Variants in PDXDC1 observed in about 807,000 individuals in gnomAD.
The protein encoded by PDXDC1 is pyridoxal-dependent decarboxylase domain-containing protein 1.
PDXDC1 carries 42 observed loss-of-function variants against 100.1 expected under a neutral mutation model. That is an observed-to-expected ratio of 0.42 (90% confidence interval 0.33 to 0.54). PDXDC1 has a LOEUF of 0.54. PDXDC1 is among the 20% of genes least tolerant of loss of function. The probability of loss-of-function intolerance (pLI) is 0.10; values close to 1 mark genes in which losing one functional copy is unlikely to be tolerated. For missense variants in PDXDC1, 636 were observed against 979.2 expected (o/e 0.65, Z 4.68); for synonymous variants, 260 against 371.7 (o/e 0.70, Z 3.46).
At chr16:15,129,751 C>A in intron 16 of PDXDC1, 1 of 633,556 alleles carries the variant, frequency 1.6e-6, no homozygotes, top group East Asian at 2.7e-5. Context: ...AGGATGAACA[C>A]ACGAGCCCTT....
chr16:15,140,447 C>CAAA (rs888007915), downstream of PDXDC1, among the ~76,000 whole-genome samples: 9 of 39,030 alleles, frequency 2.3e-4, no homozygotes, highest in East Asian at 1.1e-3. Context: ...AGCTCCATCT[C>CAAA]AAAAAAAAAA....
At chr16:14,983,162 A>T (rs1968390073) in intron 1 of PDXDC1, among the ~76,000 whole-genome samples, 1 of 152,292 alleles carries the variant, frequency 6.6e-6, no homozygotes, top group African/African-American at 2.4e-5. Context: ...TCTCCTGAAA[A>T]AAAAACTTTG....
At chr16:15,135,813 C>G in intron 16 of PDXDC1, 1 of 1,500,288 alleles carries the variant, frequency 6.7e-7, no homozygotes, top group Non-Finnish European at 9.3e-7. Flanking sequence ...TCAGGGGCCA[C>G]CGTCACATTG....
At chr16:15,146,418 T>A in the PDXDC1 span, among the ~76,000 whole-genome samples, 2 of 151,920 alleles carry the variant, frequency 1.3e-5, no homozygotes, top group African/African-American at 4.8e-5. Flanking sequence ...CCAGCTTACG[T>A]CAAAAGAACA....
chr16:15,060,973 G>A (rs991401633), intron 16 of PDXDC1: 1 of 152,218 alleles, frequency 6.6e-6, no homozygotes. Flanking sequence ...ACACAAGCCC[G>A]AACTCACTTT....
chr16:15,129,722 T>C (rs2047948778), intron 16 of PDXDC1, among the ~76,000 whole-genome samples: 1 of 151,988 alleles, frequency 6.6e-6, no homozygotes, highest in Non-Finnish European at 1.5e-5. Flanking sequence ...GGACAGTGAG[T>C]GCTCACGAGG....
chr16:15,044,285 G>A, intron 16 of PDXDC1: 1 of 1,264,792 alleles, frequency 7.9e-7, no homozygotes, highest in Non-Finnish European at 1.2e-6. Context: ...GCAAATATGG[G>A]TACATATTTA....
At chr16:15,051,588 C>G (rs1300968849) in intron 16 of PDXDC1, among the ~76,000 whole-genome samples, 1 of 152,228 alleles carries the variant, frequency 6.6e-6, no homozygotes, top group African/African-American at 2.4e-5. Flanking sequence ...CTCAGGTGAT[C>G]CTCCTGCTTC....
chr16:15,083,350 G>C (rs1423028438), intron 16 of PDXDC1, among the ~76,000 whole-genome samples: 1 of 152,124 alleles, frequency 6.6e-6, no homozygotes, highest in Non-Finnish European at 1.5e-5. Flanking sequence ...AGTGAGCCAA[G>C]ATGACGCCAT....
intron 16 of PDXDC1, chr16:15,070,189 G>A (rs1016301370): frequency 2.5e-6 from 4 of 1,608,952 alleles, no homozygotes; most frequent in Non-Finnish European, 3.4e-6. Context: ...CTTTGTTCCC[G>A]AATCCTGGTT....
At chr16:14,986,799 T>G (rs1229626645) in intron 1 of PDXDC1, among the ~76,000 whole-genome samples, 2 of 152,286 alleles carry the variant, frequency 1.3e-5, no homozygotes, top group African/African-American at 4.8e-5. Context: ...CAGGCTAGAG[T>G]GCAGTGGCGC....
chr16:14,982,924 C>T (rs368148033), intron 1 of PDXDC1, among the ~76,000 whole-genome samples: 85 of 152,358 alleles, frequency 5.6e-4, no homozygotes, highest in African/African-American at 1.9e-3. Context: ...GTTCAGAAAG[C>T]TGTGGGAGGC....
chr16:15,129,088 A>G (rs2047915948), intron 16 of PDXDC1, among the ~76,000 whole-genome samples: 1 of 151,572 alleles, frequency 6.6e-6, no homozygotes, highest in East Asian at 2.0e-4. Context: ...TACAGGTGTG[A>G]GCCACCGCGC....
the PDXDC1 span, among the ~76,000 whole-genome samples, chr16:15,151,918 T>G: frequency 1.1e-4 from 8 of 73,154 alleles, no homozygotes; most frequent in East Asian, 3.2e-4. Flanking sequence ...GCAACAAGAG[T>G]GAACTCTGTC....
intron 16 of PDXDC1, among the ~76,000 whole-genome samples, chr16:15,131,956 T>C (rs1355820511): frequency 2.1e-4 from 1 of 4,782 alleles, no homozygotes; most frequent in Non-Finnish European, 4.6e-4. Flanking sequence ...AGGAAAAGGG[T>C]AGAGAAAAGA....
intron 16 of PDXDC1, among the ~76,000 whole-genome samples, chr16:15,124,960 A>G (rs2047625252): frequency 6.6e-6 from 1 of 151,254 alleles, no homozygotes; most frequent in Non-Finnish European, 1.5e-5. Context: ...CAGCCTCACC[A>G]ACATGCTGAA....
At chr16:15,127,754 G>A (rs1165224506) in intron 16 of PDXDC1, 2 of 1,547,818 alleles carry the variant, frequency 1.3e-6, no homozygotes, top group East Asian at 4.9e-5. Context: ...CAGATGAGGA[G>A]AACGCAGCAG....
At chr16:15,050,472 A>C (rs1219326847) in intron 16 of PDXDC1, among the ~76,000 whole-genome samples, 1 of 152,088 alleles carries the variant, frequency 6.6e-6, no homozygotes, top group East Asian at 1.9e-4. Context: ...ATGGCTCCCA[A>C]CTGTAATTCC....
At chr16:15,137,314 C>T (rs980137120) in intron 16 of PDXDC1, 15 of 1,239,018 alleles carry the variant, frequency 1.2e-5, no homozygotes, top group South Asian at 3.8e-5. Flanking sequence ...CAGGAGGCGG[C>T]GGGGGGCCGG....
Sources: allele counts gnomAD v4.1 joint callset (sites outside exome capture counted in the v4.1 genomes callset), GRCh38; gene constraint gnomAD v4.1.1; transcripts MANE v1.5; gene names NCBI Gene and HGNC (gene_info 2026-07-23, HGNC 2026-07-21).